The following CFAP61 variants were observed in gnomAD, a reference collection of about 807,000 sequenced individuals.
CFAP61 encodes the protein cilia and flagella associated protein 61.
CFAP61 carries 107 observed loss-of-function variants against 135.6 expected under a neutral mutation model. That is an observed-to-expected ratio of 0.79 (90% confidence interval 0.67 to 0.93). The LOEUF is 0.93. Ranked by LOEUF, CFAP61 falls within the 40% of genes least tolerant of loss-of-function variation. The pLI, the probability that CFAP61 is intolerant of heterozygous loss-of-function variation, is 0.00. For missense variants in CFAP61, 1,507 were observed against 1,556.2 expected, an observed-to-expected ratio of 0.97 and a Z score of 0.53; for synonymous variants, 575 against 578.5, an observed-to-expected ratio of 0.99 and a Z score of 0.09.
intron 25 of CFAP61, among the ~76,000 whole-genome samples, chr20:20,317,656 C>T (rs944495907): frequency 2.6e-5 from 4 of 152,196 alleles, no homozygotes; most frequent in Non-Finnish European, 5.9e-5. Context: ...TTGGATCCCA[C>T]GGTACCCTCT....
chr20:20,248,874 C>T (rs1214185773), intron 19 of CFAP61, among the ~76,000 whole-genome samples: 2 of 152,160 alleles, frequency 1.3e-5, no homozygotes, highest in Non-Finnish European at 2.9e-5. Context: ...CAGGAATTTC[C>T]CCGTCCTCCA....
At position 20,360,329 on chromosome 20, in the gene CFAP61, C is replaced by G; in HGVS notation, c.3633C>G (p.Thr1211=). 2 of 1,613,866 alleles carry G rather than the reference C, an allele frequency of 1.2e-6. No homozygotes were observed. The highest frequency in any genetic ancestry group is 1.7e-6 in the Non-Finnish European group (2 of 1,180,008). Residue 1211 remains threonine, a synonymous_variant, in exon 27 of 27, where the codon ACC becomes ACG. Transcript: ENST00000245957. ...TTTTTGAGGAATCCATCTACAAAAC[C>G]CTGGTGGAGAGAAGCACTCTTGACT... ...KRVFEESIYK[T]LVERSTLDYL... is the part of the protein sequence containing the mutation.
intron 13 of CFAP61, among the ~76,000 whole-genome samples, chr20:20,173,715 TAG>T (rs1455369274): frequency 6.6e-6 from 1 of 152,232 alleles, no homozygotes; most frequent in Non-Finnish European, 1.5e-5. Context: ...ATGATTCAAG[TAG>T]AATTTTTAAA....
intron 26 of CFAP61, among the ~76,000 whole-genome samples, chr20:20,355,634 T>G (rs1364922122): frequency 1.6e-5 from 2 of 128,226 alleles, no homozygotes; most frequent in Admixed American, 8.2e-5. Flanking sequence ...AAGGTCACAC[T>G]AAGGGGAGGT....
chr20:20,185,370 C>T (rs933333342), intron 13 of CFAP61, among the ~76,000 whole-genome samples: 3 of 152,170 alleles, frequency 2.0e-5, no homozygotes, highest in Non-Finnish European at 4.4e-5. Flanking sequence ...TATGCTGTTC[C>T]AGCAACCCAG....
At chr20:20,054,412 T>TACACACACACACAC (rs759860912) in intron 1 of CFAP61, among the ~76,000 whole-genome samples, 84 of 151,470 alleles carry the variant, frequency 5.5e-4, no homozygotes, top group African/African-American at 2.0e-3. Flanking sequence ...TATATATATA[T>TACACACACACACAC]ATACACACAC....
chr20:20,222,914 A>G (rs754903302), intron 17 of CFAP61, among the ~76,000 whole-genome samples: 13 of 152,252 alleles, frequency 8.5e-5, no homozygotes, highest in Admixed American at 5.9e-4. Context: ...GAAGCATCAG[A>G]AAAATTACAT....
At chr20:20,218,500 G>A (rs2048186229) in intron 17 of CFAP61, among the ~76,000 whole-genome samples, 1 of 152,192 alleles carries the variant, frequency 6.6e-6, no homozygotes, top group South Asian at 2.1e-4. Flanking sequence ...CACCAGCTGA[G>A]TCCAGAAAAA....
intron 13 of CFAP61, among the ~76,000 whole-genome samples, chr20:20,169,730 C>T (rs1427600832): frequency 6.6e-6 from 1 of 151,780 alleles, no homozygotes; most frequent in Non-Finnish European, 1.5e-5. Context: ...AACAATGTAA[C>T]ACAAGAAACA....
chr20:20,269,143 A>ATATATG (rs2053075585), intron 21 of CFAP61, among the ~76,000 whole-genome samples: 1 of 91,598 alleles, frequency 1.1e-5, no homozygotes, highest in Admixed American at 1.2e-4. Context: ...ATATATATAT[A>ATATATG]TATACACACA....
chr20:20,336,349 G>T (rs57807241), intron 25 of CFAP61, among the ~76,000 whole-genome samples: 44 of 152,252 alleles, frequency 2.9e-4, no homozygotes, highest in African/African-American at 1.1e-3. Context: ...TCAATGTAAA[G>T]AAAATTTTGG....
At chr20:20,106,353 T>G (rs544905231) in intron 8 of CFAP61, among the ~76,000 whole-genome samples, 2 of 152,260 alleles carry the variant, frequency 1.3e-5, no homozygotes, top group African/African-American at 2.4e-5. Context: ...TTTCTAAGCC[T>G]TTTCTAATGT....
rs1051462022 is a variant in CFAP61 at position 20,360,598 on chromosome 20, G to A, written c.*188G>A. On this transcript the variant is annotated 3_prime_UTR_variant, in exon 27 of 27. Coordinates refer to ENST00000245957, the MANE Select transcript of CFAP61 (RefSeq NM_015585.4). ...TCATCCCAGTAGGTGGCACACGGCC[G>A]TGTGCCTCTCTTCTGGGGCAGGCTC... The A allele has an allele frequency of 6.7e-6, 4 of 595,878 alleles. No individual in the cohort carries two copies. Among genetic ancestry groups the A allele is most frequent in the South Asian group, 2.1e-5 (1 of 47,842 alleles). The allele number at this position is 595,878 out of a possible 1,614,324, so 36.9% of individuals were successfully genotyped here.
chr20:20,241,603 A>T (rs900492451), intron 18 of CFAP61, among the ~76,000 whole-genome samples: 3 of 152,194 alleles, frequency 2.0e-5, no homozygotes, highest in Non-Finnish European at 4.4e-5. Flanking sequence ...AATTCAAATG[A>T]TTCAAAACCA....
chr20:20,059,052 C>A (rs771327472), intron 2 of CFAP61, among the ~76,000 whole-genome samples: 3 of 151,972 alleles, frequency 2.0e-5, no homozygotes, highest in Non-Finnish European at 4.4e-5. Flanking sequence ...TAAAGAAGGC[C>A]GGACACAGTG....
intron 6 of CFAP61, among the ~76,000 whole-genome samples, chr20:20,087,626 C>G (rs1044710953): frequency 3.3e-5 from 5 of 150,712 alleles, no homozygotes; most frequent in Non-Finnish European, 7.4e-5. Flanking sequence ...AAGAAACTCT[C>G]TTATTCCACC....
At chr20:20,245,326 T>C (rs559132609) in intron 18 of CFAP61, among the ~76,000 whole-genome samples, 1 of 152,180 alleles carries the variant, frequency 6.6e-6, no homozygotes, top group Admixed American at 6.6e-5. Context: ...TAATGGACTT[T>C]CAGTTCCACG....
intron 25 of CFAP61, among the ~76,000 whole-genome samples, chr20:20,303,754 C>T (rs2056253096): frequency 6.6e-6 from 1 of 152,186 alleles, no homozygotes; most frequent in Admixed American, 6.5e-5. Context: ...TTCATTTGCG[C>T]ACTTCCATCC....
At chr20:20,314,416 T>C in intron 25 of CFAP61, among the ~76,000 whole-genome samples, 1 of 147,002 alleles carries the variant, frequency 6.8e-6, no homozygotes, top group South Asian at 2.2e-4. Flanking sequence ...AAAATCAACA[T>C]GAGTTTTGTT....
Sources: allele counts gnomAD v4.1 joint callset (sites outside exome capture counted in the v4.1 genomes callset), GRCh38; gene constraint gnomAD v4.1.1; transcripts MANE v1.5; gene names NCBI Gene and HGNC (gene_info 2026-07-23, HGNC 2026-07-21).